Variants in PSMD3 observed in about 807,000 individuals in gnomAD.
The protein encoded by PSMD3 is proteasome 26S subunit, non-ATPase 3, also known as 26S proteasome non-ATPase regulatory subunit 3.
In PSMD3, 5 loss-of-function variants were observed where a neutral mutation model predicts 62.8. The observed-to-expected ratio is 0.08, with a 90% CI of 0.04 to 0.17. The LOEUF (loss-of-function observed/expected upper bound fraction) is 0.17, where lower values mean the gene tolerates loss of function less well. Ranked by LOEUF, PSMD3 falls within the 10% of genes least tolerant of loss-of-function variation. The pLI, the probability that PSMD3 is intolerant of heterozygous loss-of-function variation, is 1.00. For synonymous variants in PSMD3, 265 were observed against 283.9 expected, an observed-to-expected ratio of 0.93 and a Z score of 0.67; for missense variants, 524 against 713.6, an observed-to-expected ratio of 0.73 and a Z score of 3.03.
rs779227754 is a variant in PSMD3, at chr17:39,986,670, C to T, written c.507C>T (p.Leu169=). 2 of 1,614,188 alleles carry T rather than the reference C, an allele frequency of 1.2e-6. No individual in the cohort carries two copies. Among genetic ancestry groups the T allele is most frequent in the East Asian group, 2.2e-5 (1 of 44,880 alleles). ...CTGAAGTGGAAGCCTATCTCCAACTCCTCGTGGTCATCTTCATGATGAACA... is the reference window on the plus strand; with the variant it reads ...CTGAAGTGGAAGCCTATCTCCAACTTCTCGTGGTCATCTTCATGATGAACA... ...LLPEVEAYLQ[L]LVVIFMMNSK... is the part of the protein sequence containing the mutation. Residue 169 remains leucine, a synonymous_variant, in exon 3 of 12, where the codon CTC becomes CTT. Coordinates refer to ENST00000264639, the MANE Select transcript of PSMD3 (RefSeq NM_002809.4).
Position 39,986,855 on chromosome 17 carries a change from G to A in PSMD3, c.549+143G>A, listed in dbSNP as rs1386874968. On this transcript the variant is annotated intron_variant, in intron 3 of 11. Coordinates refer to ENST00000264639, the MANE Select transcript of PSMD3 (RefSeq NM_002809.4). The stretch of plus-strand genomic sequence containing the variant: ...ACACTCTTTCCCCATAGAGGTATGC[G>A]TTTGATCCCACATCCCAGGAGAACC... The A allele has an allele frequency of 7.6e-6, 9 of 1,191,516 alleles. No individual in the cohort carries two copies. In the African/African-American group the frequency reaches 9.2e-5, roughly 12 times the overall value. The allele number at this position is 1,191,516 out of a possible 1,614,324, so 73.8% of individuals were successfully genotyped here.
intron 6 of PSMD3, chr17:39,993,046 C>T (rs911766493): frequency 6.6e-6 from 1 of 152,234 alleles, no homozygotes; most frequent in Admixed American, 6.5e-5. Flanking sequence ...GACTTGGCGG[C>T]TTAAACAACC....
intron 3 of PSMD3, among the ~76,000 whole-genome samples, chr17:39,987,162 T>C (rs1321153601): frequency 7.2e-5 from 11 of 152,234 alleles, no homozygotes; most frequent in Non-Finnish European, 2.9e-5. Flanking sequence ...TTTCGTGATA[T>C]TTTCATAAAT....
At chr17:39,986,522 T>G in intron 2 of PSMD3, 53 bp from the exon 3 acceptor site, 1 of 1,594,986 alleles carries the variant, frequency 6.3e-7, no homozygotes, top group Non-Finnish European at 8.6e-7. Flanking sequence ...CAATAAATTC[T>G]TGGTTACTTG....
rs1179263467 is a variant in PSMD3 at position 39,980,992 on chromosome 17, C to A, written c.22C>A (p.Arg8=). 2 of 1,545,604 alleles carry A rather than the reference C, an allele frequency of 1.3e-6. No homozygotes were observed. Among genetic ancestry groups the A allele is most frequent in the Admixed American group, 4.0e-5 (2 of 49,884 alleles). The change falls in exon 1 of 12, where the codon CGG becomes AGG. Residue 8 remains arginine (R), a synonymous_variant. Transcript: ENST00000264639. MKQEGSA[R]RRGADKAKPP... The stretch of plus-strand genomic sequence containing the variant: ...TGCCATGAAGCAGGAGGGCTCGGCG[C>A]GGCGCCGCGGCGCGGACAAGGCGAA...
In PSMD3 at chr17:39,996,986, C is replaced by T. The variant is rs1297666180; in HGVS notation, c.1477-344C>T. ...GGTCAAGCCTCCCCTCCCACTCCTG[C>T]CCCACCACCCAGCAGCCAGCCCACT... On this transcript the variant is annotated intron_variant, in intron 10 of 11. Transcript: ENST00000264639. The surrounding 1 kb of genome is among the most constrained non-coding windows in gnomAD (Gnocchi z 5.1). Among the ~76,000 whole-genome samples the T allele has an allele frequency of 2.6e-5, 4 of 152,122 alleles. No individual in the cohort carries two copies. The highest frequency in any genetic ancestry group is 4.4e-5 in the Non-Finnish European group (3 of 68,018).
chr17:39,980,843 C>A lies in PSMD3; in HGVS notation c.-128C>A, dbSNP rs932146443. 2.3e-6 allele frequency: 2 copies of A among 858,964 alleles called. No homozygotes were observed. The highest frequency in any genetic ancestry group is 3.1e-5 in the East Asian group (1 of 32,760). The allele number at this position is 858,964 out of a possible 1,614,324, so 53.2% of individuals were successfully genotyped here. A position where few individuals can be genotyped will look rare whatever the true frequency, so the allele number is the denominator to read the frequency against. ...CGCCGGGAAGGGGTTTGCAGCTGCT[C>A]CGTCATCGTGCGGCCCGACGCTATC... is the stretch of plus-strand genomic sequence containing the variant. On this transcript the variant is annotated 5_prime_UTR_variant, in exon 1 of 12. Transcript: ENST00000264639.
chr17:39,994,140 G>A (rs1240231341), intron 6 of PSMD3: 1 of 152,218 alleles, frequency 6.6e-6, no homozygotes, highest in Non-Finnish European at 1.5e-5. Flanking sequence ...CCTCACACAT[G>A]AGTTATTCCA....
Position 39,995,018 on chromosome 17 carries a change from G to C in PSMD3, c.1046G>C (p.Arg349Pro). 6.2e-7 allele frequency: 1 copy of C among 1,614,046 alleles called. No individual in the cohort carries two copies. Among genetic ancestry groups the C allele is most frequent in the Non-Finnish European group, 8.5e-7 (1 of 1,180,026 alleles). ...GAGATCCCTGACCGGCTGCAGTTCC[G>C]CCAGCCCTCCCTCAAGCGCTCACTC... ...LGEIPDRLQF[R>P]QPSLKRSLMP... The change falls in exon 7 of 12, where the codon CGC becomes CCC. Residue 349 changes from arginine to proline, a missense_variant. By Grantham distance (103) the Arg-to-Pro change is moderately radical (BLOSUM62 -2). This residue lies in a region of PSMD3 where 396 missense variants were observed against 475.8 expected (regional missense o/e 0.83). Coordinates refer to ENST00000264639, the MANE Select transcript of PSMD3 (RefSeq NM_002809.4). The surrounding 1 kb of genome is among the most constrained non-coding windows in gnomAD (Gnocchi z 4.1).
At chr17:39,992,140 A>G (rs1188126405) in intron 6 of PSMD3, among the ~76,000 whole-genome samples, 1 of 152,250 alleles carries the variant, frequency 6.6e-6, no homozygotes, top group Non-Finnish European at 1.5e-5. Flanking sequence ...GATTGCTTAC[A>G]ATATGAGAGA....
Position 39,987,818 on chromosome 17 carries a change from G to A in PSMD3, c.550-865G>A, listed in dbSNP as rs570693859. ...GAGATATAATTCACCCCTTTAAAGT[G>A]TACTACAGGCCAGGTATGGTGGCTC... On this transcript the variant is annotated intron_variant, in intron 3 of 11. Coordinates refer to ENST00000264639, the MANE Select transcript of PSMD3 (RefSeq NM_002809.4). Among the ~76,000 whole-genome samples, 4 of 152,272 alleles carry A rather than the reference G, an allele frequency of 2.6e-5. No homozygotes were observed. In the South Asian group the frequency reaches 6.2e-4, roughly 24 times the overall value.
At chr17:39,984,049 AT>A (rs1342729777) in intron 1 of PSMD3, among the ~76,000 whole-genome samples, 1 of 151,884 alleles carries the variant, frequency 6.6e-6, no homozygotes, top group African/African-American at 2.4e-5. Context: ...AATACAAAAA[AT>A]TTAGCCAGGC....
In PSMD3 at chr17:39,984,502, A is replaced by G. The variant is rs761246482; in HGVS notation, c.411+18A>G. ...TGGAAGAGGTGAGTGAGTCAGGCCA[A>G]CTTAAAGGGTGCAGGCCTGGCCTCA... is the stretch of plus-strand genomic sequence containing the variant. On this transcript the variant is annotated intron_variant, in intron 2 of 11. Transcript: ENST00000264639. 2.5e-6 allele frequency: 4 copies of G among 1,600,556 alleles called. No individual in the cohort carries two copies. Among genetic ancestry groups the G allele is most frequent in the Non-Finnish European group, 3.4e-6 (4 of 1,169,872 alleles).
chr17:39,985,628 G>T (rs551693457), intron 2 of PSMD3, among the ~76,000 whole-genome samples: 46 of 152,204 alleles, frequency 3.0e-4, no homozygotes, highest in Admixed American at 1.9e-3. Flanking sequence ...GGGAAACTCA[G>T]AACATCCCTG....
chr17:39,984,970 C>T (rs1222752409), intron 2 of PSMD3, among the ~76,000 whole-genome samples: 1 of 151,796 alleles, frequency 6.6e-6, no homozygotes, highest in Non-Finnish European at 1.5e-5. Flanking sequence ...GAGGCTGAGG[C>T]GAGCAGATCG....
chr17:39,982,666 A>C (rs757950440), intron 1 of PSMD3, among the ~76,000 whole-genome samples: 8 of 152,220 alleles, frequency 5.3e-5, no homozygotes, highest in Non-Finnish European at 8.8e-5. Context: ...AAAATGCTTA[A>C]AACTGTGCCT....
intron 2 of PSMD3, 151 bp from the exon 3 acceptor site, chr17:39,986,424 A>T (rs3816472): frequency 1.0e-6 from 1 of 979,462 alleles, no homozygotes; most frequent in African/African-American, 1.6e-5. Flanking sequence ...GAAAGACTGT[A>T]ATCTTTATTT....
intron 1 of PSMD3, 132 bp from the exon 2 acceptor site, chr17:39,984,162 T>C (rs1222535171): frequency 1.3e-6 from 1 of 759,474 alleles, no homozygotes; most frequent in Non-Finnish European, 2.0e-6. Flanking sequence ...ATCACACCAC[T>C]GCACTCCGGC....
In PSMD3 at chr17:39,997,347, C is replaced by A. The variant is rs1452306831; in HGVS notation, c.1494C>A (p.Pro498=). The change falls in exon 11 of 12, where the codon CCC becomes CCA. Residue 498 remains proline (P), a synonymous_variant. Transcript: ENST00000264639. The stretch of plus-strand genomic sequence containing the variant: ...TGCCCCAGGCCATGAGGTTTCCTCC[C>A]AAATCGTACAACAAGGACTTGGAGT... ...NMSVKAMRFP[P]KSYNKDLESA... The A allele has an allele frequency of 8.1e-6, 13 of 1,614,054 alleles. No individual in the cohort carries two copies. Among genetic ancestry groups the A allele is most frequent in the Non-Finnish European group, 1.0e-5 (12 of 1,180,032 alleles).
Sources: allele counts gnomAD v4.1 joint callset (sites outside exome capture counted in the v4.1 genomes callset), GRCh38; gene constraint gnomAD v4.1.1; regional missense constraint gnomAD v4.1.1; non-coding constraint Gnocchi (gnomAD v3.1); transcripts MANE v1.5; gene names NCBI Gene and HGNC (gene_info 2026-07-23, HGNC 2026-07-21).